The following SMAD6 variants were observed in gnomAD, a reference collection of about 807,000 sequenced individuals.
The protein encoded by SMAD6 is SMAD family member 6, also known as MAD homolog 6.
In SMAD6, 103 loss-of-function variants were observed where a neutral mutation model predicts 39.4. The observed-to-expected ratio is 2.62, with a 90% CI of 2.23 to 3.08. The LOEUF (loss-of-function observed/expected upper bound fraction) is 3.08, where lower values mean the gene tolerates loss of function less well. Among genes scored for constraint, SMAD6 ranks in the 30% most tolerant of loss-of-function variants. SMAD6 has a pLI of 0.00. For synonymous variants in SMAD6, 445 were observed against 353.3 expected (o/e 1.26, Z -2.91); for missense variants, 1,104 against 742.9 (o/e 1.49, Z -5.65).
chr15:66,709,883 C>A (rs2140593652), intron 1 of SMAD6, among the ~76,000 whole-genome samples: 1 of 152,358 alleles, frequency 6.6e-6, no homozygotes, highest in African/African-American at 2.4e-5. Context: ...CAAGGCTGGC[C>A]TCTAGGCCTG....
chr15:66,708,915 A>C (rs1459056909), intron 1 of SMAD6, among the ~76,000 whole-genome samples: 2 of 152,224 alleles, frequency 1.3e-5, no homozygotes, highest in Non-Finnish European at 2.9e-5. Flanking sequence ...AAAAGGATGA[A>C]TCTTAGGGTA....
chr15:66,703,676 G>C lies in SMAD6; in HGVS notation c.418G>C (p.Asp140His). Reference sequence around the variant, plus strand: ...GCGGGACGCCGCCGGCGCGCCCCGGGACGCCAGCGACCCCCTGGCCGGGGC... The same window carrying C: ...GCGGGACGCCGCCGGCGCGCCCCGGCACGCCAGCGACCCCCTGGCCGGGGC... ...SERDAAGAPR[D>H]ASDPLAGAAL... The change falls in exon 1 of 4, where the codon GAC becomes CAC. Residue 140 changes from aspartate (D) to histidine (H), a missense_variant. Transcript: ENST00000288840. 1 of 1,233,282 alleles carries C rather than the reference G, an allele frequency of 8.1e-7. No homozygotes were observed. Among genetic ancestry groups the C allele is most frequent in the Non-Finnish European group, 1.0e-6 (1 of 987,454 alleles). 76.4% of individuals were successfully genotyped at this position (1,233,282 alleles called of 1,614,324 possible). A position where few individuals can be genotyped will look rare whatever the true frequency, so the allele number is the denominator to read the frequency against.
At chr15:66,739,263 G>T (rs1893771770) in intron 3 of SMAD6, among the ~76,000 whole-genome samples, 1 of 152,050 alleles carries the variant, frequency 6.6e-6, no homozygotes, top group Non-Finnish European at 1.5e-5. Context: ...GCTAATTTTT[G>T]TATTTTTAGT....
intron 3 of SMAD6, chr15:66,741,184 G>A (rs1419206679): frequency 6.6e-6 from 1 of 152,242 alleles, no homozygotes; most frequent in African/African-American, 2.4e-5. Flanking sequence ...GGCCCAGGTG[G>A]GGAGATGGTG....
chr15:66,717,465 T>TC (rs1253236682), intron 3 of SMAD6: 2 of 455,194 alleles, frequency 4.4e-6, no homozygotes, highest in Non-Finnish European at 4.4e-6. Flanking sequence ...GGGTTTGTGC[T>TC]CTTCATCACT....
At chr15:66,706,605 A>T (rs1206612570) in intron 1 of SMAD6, 1 of 152,270 alleles carries the variant, frequency 6.6e-6, no homozygotes, top group South Asian at 2.1e-4. Flanking sequence ...TGATAAGGAG[A>T]CTGCGCCTTC....
rs371366680 is a variant in SMAD6 at position 66,735,821 on chromosome 15, C to T, written c.952+19323C>T. ...TGCACACACACATACACACACCCCA[C>T]ATTGGAGGGAGGCATCATTGCCTGA... On this transcript the variant is annotated intron_variant, in intron 3 of 3. Coordinates refer to ENST00000288840, the MANE Select transcript of SMAD6 (RefSeq NM_005585.5). 1.6e-4 allele frequency among the ~76,000 whole-genome samples: 25 copies of T among 152,288 alleles called. No individual in the cohort carries two copies. The East Asian group carries it at 4.1e-3, about 25-fold the overall frequency.
At chr15:66,712,202 C>T (rs1225106144) in intron 2 of SMAD6, among the ~76,000 whole-genome samples, 1 of 152,174 alleles carries the variant, frequency 6.6e-6, no homozygotes, top group Non-Finnish European at 1.5e-5. Context: ...TTCACTTGAG[C>T]AGAAACAACA....
At chr15:66,708,488 A>G (rs1382864917) in intron 1 of SMAD6, among the ~76,000 whole-genome samples, 1 of 152,248 alleles carries the variant, frequency 6.6e-6, no homozygotes, top group East Asian at 1.9e-4. Flanking sequence ...ATAGCACATT[A>G]TTCATAACAG....
At chr15:66,751,184 G>GGGT (rs748586142) in intron 3 of SMAD6, among the ~76,000 whole-genome samples, 3 of 152,308 alleles carry the variant, frequency 2.0e-5, no homozygotes, top group East Asian at 1.9e-4. Flanking sequence ...GGAAGTCAGA[G>GGGT]GGTGGTGGTG....
intron 3 of SMAD6, among the ~76,000 whole-genome samples, chr15:66,742,367 C>T (rs1016360426): frequency 6.6e-6 from 1 of 151,154 alleles, no homozygotes; most frequent in Non-Finnish European, 1.5e-5. Flanking sequence ...AACAGACAGG[C>T]CTCTGTGAGG....
At chr15:66,728,374 A>G (rs567321069) in intron 3 of SMAD6, among the ~76,000 whole-genome samples, 1 of 151,680 alleles carries the variant, frequency 6.6e-6, no homozygotes, top group Non-Finnish European at 1.5e-5. Context: ...TTAACTCAAC[A>G]GAATATTCGT....
chr15:66,702,671 G>A lies in SMAD6; in HGVS notation c.-588G>A, dbSNP rs1892997336. 1 of 152,316 alleles carries A rather than the reference G, an allele frequency of 6.6e-6. No homozygotes were observed. The highest frequency in any genetic ancestry group is 2.4e-5 in the African/African-American group (1 of 41,398). The allele number at this position is 152,316 out of a possible 1,614,324, so 9.4% of individuals were successfully genotyped here. ...GGCCTTTCGTGCATGCAAATCCAGG[G>A]ATTTAGGTTTTGTTTGGGATTTCCT... On this transcript the variant is annotated 5_prime_UTR_variant, in exon 1 of 4. Coordinates refer to ENST00000288840, the MANE Select transcript of SMAD6 (RefSeq NM_005585.5).
chr15:66,703,831 G>T lies in SMAD6; in HGVS notation c.573G>T (p.Leu191=), dbSNP rs778199794. The change falls in exon 1 of 4, where the codon CTG becomes CTT. Residue 191 remains leucine, a synonymous_variant. Transcript: ENST00000288840. ...TCAAGGAGCGCTCGCTGGACACGCT[G>T]CTGGAGGCGGTGGAGTCCCGCGGCG... ...KRLKERSLDT[L]LEAVESRGGV... 7.8e-6 allele frequency: 11 copies of T among 1,406,512 alleles called. No homozygotes were observed. Among genetic ancestry groups the T allele is most frequent in the Middle Eastern group, 1.9e-4 (1 of 5,174 alleles). The allele number at this position is 1,406,512 out of a possible 1,614,324, so 87.1% of individuals were successfully genotyped here.
chr15:66,750,605 T>C (rs1460165960), intron 3 of SMAD6, among the ~76,000 whole-genome samples: 1 of 137,804 alleles, frequency 7.3e-6, no homozygotes, highest in East Asian at 2.2e-4. Flanking sequence ...GCACCAAAAA[T>C]TCAAGTGCCC....
At chr15:66,750,107 A>T (rs1001574967) in intron 3 of SMAD6, among the ~76,000 whole-genome samples, 2 of 151,844 alleles carry the variant, frequency 1.3e-5, no homozygotes, top group Non-Finnish European at 2.9e-5. Context: ...GCTGTGGGGG[A>T]CGCAGGGGGC....
chr15:66,729,007 C>G (rs957341812), intron 3 of SMAD6, among the ~76,000 whole-genome samples: 1 of 152,190 alleles, frequency 6.6e-6, no homozygotes, highest in East Asian at 1.9e-4. Context: ...TTTTCCAAGA[C>G]CACAGCGTTT....
At chr15:66,778,715 T>G (rs1894508872) in intron 3 of SMAD6, among the ~76,000 whole-genome samples, 1 of 152,178 alleles carries the variant, frequency 6.6e-6, no homozygotes, top group Non-Finnish European at 1.5e-5. Flanking sequence ...GAACTCTATC[T>G]GGAGTGTGGA....
intron 2 of SMAD6, among the ~76,000 whole-genome samples, chr15:66,715,639 T>G (rs1893313831): frequency 6.6e-6 from 1 of 152,070 alleles, no homozygotes; most frequent in Non-Finnish European, 1.5e-5. Flanking sequence ...CCAAAAGGCA[T>G]CGGCTTGTCA....
Sources: gnomAD v4.1 joint callset for allele counts (sites outside exome capture counted in the v4.1 genomes callset) on GRCh38, gnomAD v4.1.1 for gene constraint, MANE v1.5 for transcripts, NCBI Gene and HGNC (gene_info 2026-07-23, HGNC 2026-07-21) for gene names.